The following TRIM24 variants were observed in gnomAD, a reference collection of about 807,000 sequenced individuals.
TRIM24 encodes the protein tripartite motif containing 24.
A neutral mutation model predicts 123.9 loss-of-function variants in TRIM24; 29 were observed. The ratio of observed to expected loss-of-function variants is 0.23; its 90% confidence interval spans 0.17 to 0.32. The LOEUF (loss-of-function observed/expected upper bound fraction) is 0.32. TRIM24 is among the 10% of genes least tolerant of loss of function. The pLI, the probability that TRIM24 is intolerant of heterozygous loss-of-function variation, is 1.00. For synonymous variants in TRIM24, 456 were observed against 461.1 expected (o/e 0.99, Z 0.14); for missense variants, 932 against 1,295.3 (o/e 0.72, Z 4.31).
chr7:138,497,274 C>T (rs896543755), intron 1 of TRIM24, among the ~76,000 whole-genome samples: 1 of 151,944 alleles, frequency 6.6e-6, no homozygotes, highest in African/African-American at 2.4e-5. Flanking sequence ...CACCTTGTTC[C>T]CCAGGCTGGT....
At chr7:138,487,067 T>G (rs1314319578) in intron 1 of TRIM24, among the ~76,000 whole-genome samples, 2 of 152,172 alleles carry the variant, frequency 1.3e-5, no homozygotes, top group Admixed American at 1.3e-4. Flanking sequence ...CCTTGTAAGT[T>G]GGATTCCTAG....
intron 5 of TRIM24, among the ~76,000 whole-genome samples, 154 bp downstream of exon 5, chr7:138,525,511 G>A (rs1262790851): frequency 6.6e-6 from 1 of 152,138 alleles, no homozygotes; most frequent in Non-Finnish European, 1.5e-5. Context: ...TAGTTGGAAA[G>A]CATTCTTTTC....
At chr7:138,568,384 T>G (rs1402228353) in intron 10 of TRIM24, among the ~76,000 whole-genome samples, 64 of 35,770 alleles carry the variant, frequency 1.8e-3, no homozygotes, top group Non-Finnish European at 3.3e-3. Context: ...GCCTCCTTTT[T>G]TTTTTTTTTT....
intron 1 of TRIM24, among the ~76,000 whole-genome samples, chr7:138,462,199 A>G (rs1474481638): frequency 6.6e-6 from 1 of 152,206 alleles, no homozygotes; most frequent in Non-Finnish European, 1.5e-5. Flanking sequence ...AGGCATGCTT[A>G]CTGCCCATCT....
intron 16 of TRIM24, 52 bp downstream of exon 16, chr7:138,580,746 G>A (rs984493622): frequency 2.0e-6 from 3 of 1,523,248 alleles, no homozygotes; most frequent in Non-Finnish European, 2.7e-6. Context: ...ATTGTACTGT[G>A]GTACCTTTTG....
intron 10 of TRIM24, among the ~76,000 whole-genome samples, chr7:138,568,966 TATC>T (rs1025768307): frequency 9.2e-5 from 14 of 152,230 alleles, no homozygotes; most frequent in Non-Finnish European, 1.8e-4. Context: ...GCCTTTGCTA[TATC>T]ATCACCAAAT....
chr7:138,568,145 G>A lies in TRIM24; in HGVS notation c.1704+491G>A, dbSNP rs1335683283. On this transcript the variant is annotated intron_variant, in intron 10 of 18. Coordinates refer to ENST00000343526, the MANE Select transcript of TRIM24 (RefSeq NM_015905.3). The stretch of plus-strand genomic sequence containing the variant: ...ATTTTTTTATTTTTTTTGAGACAGA[G>A]TCTCTCTCTGTTGCCTAGGCTGGAG... Among the ~76,000 whole-genome samples, 2 of 151,620 alleles carry A rather than the reference G, an allele frequency of 1.3e-5. 1 individual carries two copies. The highest frequency in any genetic ancestry group is 3.9e-4 in the East Asian group (2 of 5,164).
intron 4 of TRIM24, among the ~76,000 whole-genome samples, chr7:138,523,445 A>G (rs909557013): frequency 1.3e-5 from 2 of 152,204 alleles, no homozygotes; most frequent in African/African-American, 4.8e-5. Context: ...TGAATGTACC[A>G]TATAGTTAAG....
chr7:138,509,845 A>C (rs888267642), intron 2 of TRIM24, among the ~76,000 whole-genome samples: 1 of 152,178 alleles, frequency 6.6e-6, no homozygotes, highest in Non-Finnish European at 1.5e-5. Flanking sequence ...ACAAATGCAA[A>C]AGGATGGAAT....
intron 6 of TRIM24, among the ~76,000 whole-genome samples, chr7:138,535,125 G>T (rs1796838765): frequency 1.3e-5 from 2 of 151,938 alleles, no homozygotes; most frequent in South Asian, 4.2e-4. Flanking sequence ...ATATGAGATG[G>T]GTCTCCTGAA....
Position 138,460,537 on chromosome 7 carries a change from A to T in TRIM24, c.-12A>T. 7.9e-7 allele frequency: 1 copy of T among 1,263,664 alleles called. No homozygotes were observed. The highest frequency in any genetic ancestry group is 9.9e-7 in the Non-Finnish European group (1 of 1,009,560). 78.3% of individuals were successfully genotyped at this position (1,263,664 alleles called of 1,614,324 possible). On this transcript the variant is annotated 5_prime_UTR_variant, in exon 1 of 19. Coordinates refer to ENST00000343526, the MANE Select transcript of TRIM24 (RefSeq NM_015905.3). ...GCGCTCTCGCTTCCCCGGCGGCGGC[A>T]AGGGCAGGACAATGGAGGTGGCGGT...
In TRIM24 at chr7:138,525,286, A is replaced by T; in HGVS notation, c.810A>T (p.Ile270=). The T allele has an allele frequency of 6.6e-7, 1 of 1,522,592 alleles. No homozygotes were observed. The highest frequency in any genetic ancestry group is 1.7e-4 in the Middle Eastern group (1 of 5,836). 94.3% of individuals were successfully genotyped at this position (1,522,592 alleles called of 1,614,324 possible). The stretch of plus-strand genomic sequence containing the variant: ...CTTTTCAGAATCAGAAAGTGATCAT[A>T]GATACACTAATCACCAAACTGATGG... ...EEAFQNQKVI[I]DTLITKLMEK... is the part of the protein sequence containing the mutation. Residue 270 remains isoleucine, a synonymous_variant, in exon 5 of 19, where the codon ATA becomes ATT. Transcript: ENST00000343526.
chr7:138,497,389 ATTTCTTTTTTTTTTT>A (rs1306773480), intron 1 of TRIM24, among the ~76,000 whole-genome samples: 1 of 123,854 alleles, frequency 8.1e-6, no homozygotes, highest in East Asian at 2.3e-4. Flanking sequence ...TTCAATTACA[ATTTCTTTTTTTTTTT>A]TTTTTTTTTT....
chr7:138,561,629 C>G (rs1426844870), intron 9 of TRIM24, among the ~76,000 whole-genome samples: 2 of 152,148 alleles, frequency 1.3e-5, no homozygotes, highest in Non-Finnish European at 2.9e-5. Context: ...AGAGGCCATC[C>G]TAGTGCCACA....
chr7:138,582,268 C>T (rs1797911192), intron 17 of TRIM24, among the ~76,000 whole-genome samples: 2 of 152,088 alleles, frequency 1.3e-5, no homozygotes, highest in South Asian at 2.1e-4. Context: ...TGTGGCCGGG[C>T]GCGGTGGCTC....
chr7:138,577,561 A>C lies in TRIM24; in HGVS notation c.2229A>C (p.Glu743Asp), dbSNP rs1376713553. 7 of 1,608,370 alleles carry C rather than the reference A, an allele frequency of 4.4e-6. No homozygotes were observed. Among genetic ancestry groups the C allele is most frequent in the Middle Eastern group, 1.7e-4 (1 of 6,048 alleles). ...YDFPVVIVKQ[E>D]SDEESRPQNA... ...TCCCTGTTGTTATAGTGAAGCAAGA[A>C]TCAGATGAAGAATCTAGGCCTCAAA... is the stretch of plus-strand genomic sequence containing the variant. Residue 743 changes from glutamate to aspartate, a missense_variant, in exon 14 of 19, where the codon GAA becomes GAC. This residue lies in a region of TRIM24 where 527 missense variants were observed against 691.3 expected (regional missense o/e 0.76). Coordinates refer to ENST00000343526, the MANE Select transcript of TRIM24 (RefSeq NM_015905.3).
intron 1 of TRIM24, among the ~76,000 whole-genome samples, chr7:138,467,706 C>T (rs1795177842): frequency 6.6e-6 from 1 of 152,148 alleles, no homozygotes; most frequent in Non-Finnish European, 1.5e-5. Context: ...AAATTCTCGG[C>T]ACTGTCTTGT....
chr7:138,508,513 A>G (rs1391116093), intron 2 of TRIM24, among the ~76,000 whole-genome samples: 1 of 152,204 alleles, frequency 6.6e-6, no homozygotes, highest in Non-Finnish European at 1.5e-5. Context: ...GAATAGAAAG[A>G]GAAAGCTTCC....
At chr7:138,547,327 C>T (rs913778563) in intron 7 of TRIM24, among the ~76,000 whole-genome samples, 2 of 152,134 alleles carry the variant, frequency 1.3e-5, no homozygotes, top group Admixed American at 6.5e-5. Context: ...TATTATACGA[C>T]ATGAGACCTA....
Sources: allele counts gnomAD v4.1 joint callset (sites outside exome capture counted in the v4.1 genomes callset), GRCh38; gene constraint gnomAD v4.1.1; regional missense constraint gnomAD v4.1.1; transcripts MANE v1.5; gene names NCBI Gene and HGNC (gene_info 2026-07-23, HGNC 2026-07-21).